FHIT: variants seen among roughly 807,000 people sequenced by gnomAD.
FHIT encodes the protein fragile histidine triad diadenosine triphosphatase.
In FHIT, 19 loss-of-function variants were observed where a neutral mutation model predicts 17.9. That is an observed-to-expected ratio of 1.06 (90% CI 0.74 to 1.56). FHIT has a LOEUF of 1.56. Among genes scored for constraint, FHIT ranks in the 40% most tolerant of loss-of-function variants. The pLI, the probability that FHIT is intolerant of heterozygous loss-of-function variation, is 0.00. For synonymous variants in FHIT, 81 were observed against 69.7 expected (o/e 1.16, Z -0.81); for missense variants, 248 against 189.2 (o/e 1.31, Z -1.82).
intron 1 of FHIT, among the ~76,000 whole-genome samples, chr3:61,202,208 G>C (rs1036480693): frequency 1.3e-5 from 2 of 151,956 alleles, no homozygotes; most frequent in Non-Finnish European, 2.9e-5. Flanking sequence ...CCCTCTGCCC[G>C]GCTGGCCAAC....
Position 60,274,402 on chromosome 3 carries a change from G to A in FHIT, c.104-260250C>T, listed in dbSNP as rs191829075. 2.1e-3 allele frequency among the ~76,000 whole-genome samples: 325 copies of A among 152,128 alleles called. 3 individuals carry two copies. Among genetic ancestry groups the A allele is most frequent in the Middle Eastern group, 3.4e-3 (1 of 294 alleles). On this transcript the variant is annotated intron_variant, in intron 5 of 9. Coordinates refer to ENST00000492590, the MANE Select transcript of FHIT (RefSeq NM_002012.4). ...GTCACTCAATAAATATTTGAAGAAC[G>A]AAATGACAAAATACCCTTTACCTGA...
intron 5 of FHIT, among the ~76,000 whole-genome samples, chr3:60,128,746 G>A (rs2107253926): frequency 6.6e-6 from 1 of 152,216 alleles, no homozygotes; most frequent in South Asian, 2.1e-4. Context: ...ATTTGGATTG[G>A]ACATAGAAAT....
At chr3:60,955,212 A>T (rs1371534112) in intron 3 of FHIT, among the ~76,000 whole-genome samples, 2 of 152,264 alleles carry the variant, frequency 1.3e-5, no homozygotes, top group East Asian at 1.9e-4. Flanking sequence ...TCACATAGGA[A>T]TATTATATAG....
chr3:60,102,769 G>T (rs1262714082), intron 5 of FHIT, among the ~76,000 whole-genome samples: 1 of 152,030 alleles, frequency 6.6e-6, no homozygotes, highest in East Asian at 1.9e-4. Flanking sequence ...ATCATTACAG[G>T]ATTCAAGGGA....
At chr3:59,788,879 A>ATTTTTTTTTTTTTTTTT (rs896400961) in intron 8 of FHIT, among the ~76,000 whole-genome samples, 3 of 3,302 alleles carry the variant, frequency 9.1e-4, no homozygotes, top group East Asian at 9.8e-3. Context: ...CTGAGTTCAT[A>ATTTTTTTTTTTTTTTTT]TGTTTTTTTT....
At chr3:60,442,106 T>A (rs2030936329) in intron 5 of FHIT, among the ~76,000 whole-genome samples, 1 of 151,866 alleles carries the variant, frequency 6.6e-6, no homozygotes. Flanking sequence ...GCGATCCTCC[T>A]GCCTCAGCCT....
intron 5 of FHIT, among the ~76,000 whole-genome samples, chr3:60,202,305 G>T (rs188085056): frequency 6.6e-6 from 1 of 152,316 alleles, no homozygotes; most frequent in Admixed American, 6.5e-5. Context: ...GAAGTCAATG[G>T]ATGCTATTAA....
intron 5 of FHIT, among the ~76,000 whole-genome samples, chr3:60,212,114 T>C (rs1270273406): frequency 6.6e-6 from 1 of 152,186 alleles, no homozygotes; most frequent in Non-Finnish European, 1.5e-5. Context: ...AGCTGCTGGC[T>C]CCTTGCAGTC....
At chr3:60,382,371 C>G (rs1239439276) in intron 5 of FHIT, among the ~76,000 whole-genome samples, 2 of 152,188 alleles carry the variant, frequency 1.3e-5, no homozygotes, top group Admixed American at 6.5e-5. Flanking sequence ...TTTCCACGTG[C>G]CATTTCAAAA....
chr3:60,897,433 G>A (rs973045060), intron 3 of FHIT, among the ~76,000 whole-genome samples: 6 of 152,030 alleles, frequency 3.9e-5, no homozygotes, highest in East Asian at 1.9e-4. Context: ...GGTTTATTAC[G>A]TGTGGTTTAT....
intron 5 of FHIT, among the ~76,000 whole-genome samples, chr3:60,354,630 T>G (rs1699566450): frequency 8.8e-6 from 1 of 113,628 alleles, no homozygotes; most frequent in Non-Finnish European, 2.1e-5. Flanking sequence ...ATTAGCTCAC[T>G]GCTGAGAGTG....
At chr3:60,655,653 T>C (rs554433483) in intron 4 of FHIT, among the ~76,000 whole-genome samples, 110 of 152,254 alleles carry the variant, frequency 7.2e-4, no homozygotes, top group Admixed American at 1.4e-3. Flanking sequence ...GGAACAGTTT[T>C]ATTTATTCTG....
At chr3:60,851,356 C>T (rs1477152989) in intron 3 of FHIT, among the ~76,000 whole-genome samples, 1 of 152,046 alleles carries the variant, frequency 6.6e-6, no homozygotes, top group Non-Finnish European at 1.5e-5. Flanking sequence ...TGTGAATTTA[C>T]TAGGCATATA....
Position 60,659,703 on chromosome 3 carries a change from T to C in FHIT, c.-17-122724A>G, listed in dbSNP as rs565309528. On this transcript the variant is annotated intron_variant, in intron 4 of 9. Coordinates refer to ENST00000492590, the MANE Select transcript of FHIT (RefSeq NM_002012.4). ...TTACTTTTTCCATATCTTTTAGTTT[T>C]TTGAGCATCTTTAAGATACTTGTTT... Among the ~76,000 whole-genome samples, 46 of 152,324 alleles carry C rather than the reference T, an allele frequency of 3.0e-4. 1 individual carries two copies. The highest frequency in any genetic ancestry group is 1.7e-3 in the Admixed American group (26 of 15,274).
chr3:60,596,327 C>T (rs2038269782), intron 4 of FHIT, among the ~76,000 whole-genome samples: 1 of 152,142 alleles, frequency 6.6e-6, no homozygotes, highest in South Asian at 2.1e-4. Flanking sequence ...AGGCTGCAGG[C>T]TCTCCTGAAC....
intron 4 of FHIT, among the ~76,000 whole-genome samples, chr3:60,796,660 G>T (rs1700990507): frequency 6.6e-6 from 1 of 152,146 alleles, no homozygotes; most frequent in African/African-American, 2.4e-5. Flanking sequence ...TTGGCTCACT[G>T]CAACCTCTGC....
rs1299409869 is a variant in FHIT at position 59,751,061 on chromosome 3, G to GATCTGTAACATAGGAGAGT, written c.*5+1159_*5+1160insACTCTCCTATGTTACAGAT. ...AAAAAAGAAACTATTTATAGGAGAGGATCTGTAACTGGGGTCCATGGGAGT... is the reference window on the plus strand; with the variant it reads ...AAAAAAGAAACTATTTATAGGAGAGGATCTGTAACATAGGAGAGTATCTGTAACTGGGGTCCATGGGAGT... On this transcript the variant is annotated intron_variant, in intron 9 of 9. Coordinates refer to ENST00000492590, the MANE Select transcript of FHIT (RefSeq NM_002012.4). 5 of 180,646 alleles carry GATCTGTAACATAGGAGAGT rather than the reference G, an allele frequency of 2.8e-5. No homozygotes were observed. The East Asian group carries it at 4.5e-4, about 16-fold the overall frequency. The allele number at this position is 180,646 out of a possible 1,614,324, so 11.2% of individuals were successfully genotyped here.
At chr3:59,894,661 T>C (rs1417917779) in intron 8 of FHIT, among the ~76,000 whole-genome samples, 2 of 152,304 alleles carry the variant, frequency 1.3e-5, no homozygotes, top group East Asian at 1.9e-4. Context: ...GGTTCTGTAG[T>C]ATGTTTGGAC....
intron 5 of FHIT, among the ~76,000 whole-genome samples, chr3:60,020,281 C>T (rs893466576): frequency 4.6e-5 from 7 of 151,968 alleles, no homozygotes; most frequent in Non-Finnish European, 8.8e-5. Flanking sequence ...ATGACAAATA[C>T]GAAATATTTA....
Sources: allele counts gnomAD v4.1 joint callset (sites outside exome capture counted in the v4.1 genomes callset), GRCh38; gene constraint gnomAD v4.1.1; transcripts MANE v1.5; gene names NCBI Gene and HGNC (gene_info 2026-07-23, HGNC 2026-07-21).